FTCDNL1: variants seen among roughly 807,000 people sequenced by gnomAD.
FTCDNL1 encodes the protein formiminotransferase cyclodeaminase N-terminal like.
Under a neutral mutation model 5.9 loss-of-function variants are expected in FTCDNL1, and 11 were observed. The observed-to-expected ratio is 1.87, with a 90% CI of 1.18 to 3.10. FTCDNL1 has a LOEUF of 3.10. FTCDNL1 is among the 30% of genes most tolerant of loss of function. FTCDNL1 has a pLI of 0.00. For synonymous variants in FTCDNL1, 58 were observed against 24.8 expected, an observed-to-expected ratio of 2.34 and a Z score of -3.99; for missense variants, 115 against 65.5, an observed-to-expected ratio of 1.76 and a Z score of -2.61.
At chr2:199,722,983 G>T in the FTCDNL1 span, among the ~76,000 whole-genome samples, 1 of 151,812 alleles carries the variant, frequency 6.6e-6, no homozygotes, top group Non-Finnish European at 1.5e-5. Flanking sequence ...GTTCTGGGGT[G>T]CATGTGCAGA....
At chr2:199,772,524 A>G (rs574098514) in intron 3 of FTCDNL1, among the ~76,000 whole-genome samples, 1 of 152,266 alleles carries the variant, frequency 6.6e-6, no homozygotes, top group South Asian at 2.1e-4. Flanking sequence ...CTCTATATCT[A>G]CACAGGAGCC....
At chr2:199,746,779 C>T in the FTCDNL1 span, among the ~76,000 whole-genome samples, 1 of 151,462 alleles carries the variant, frequency 6.6e-6, no homozygotes, top group African/African-American at 2.4e-5. Context: ...GTGTCCTTTA[C>T]ATTTATTTTT....
chr2:199,775,738 G>C (rs1204949303), intron 3 of FTCDNL1, among the ~76,000 whole-genome samples: 2 of 152,140 alleles, frequency 1.3e-5, no homozygotes, highest in Non-Finnish European at 2.9e-5. Flanking sequence ...AAAAAAGAAA[G>C]AGAAAGCCAA....
At chr2:199,829,495 G>A (rs1172534649) in intron 3 of FTCDNL1, among the ~76,000 whole-genome samples, 1 of 152,100 alleles carries the variant, frequency 6.6e-6, no homozygotes. Flanking sequence ...TCAGTGCAAT[G>A]AGAAGTTTAG....
At chr2:199,751,113 A>G in the FTCDNL1 span, among the ~76,000 whole-genome samples, 1 of 152,186 alleles carries the variant, frequency 6.6e-6, no homozygotes, top group Non-Finnish European at 1.5e-5. Flanking sequence ...AAGTGGACGT[A>G]ACACTTAACC....
chr2:199,718,968 T>A, the FTCDNL1 span, among the ~76,000 whole-genome samples: 1 of 152,126 alleles, frequency 6.6e-6, no homozygotes, highest in Non-Finnish European at 1.5e-5. Context: ...GATGCATAGT[T>A]TGCAAATTTT....
the FTCDNL1 span, among the ~76,000 whole-genome samples, chr2:199,746,875 T>A: frequency 1.3e-5 from 2 of 152,142 alleles, no homozygotes; most frequent in South Asian, 2.1e-4. Context: ...CAAACGATGA[T>A]CCTTCTTAAC....
rs56091291 is a variant in FTCDNL1 at position 199,776,916 on chromosome 2, GTA to G, written c.212-16083_212-16082del. 7.7e-5 allele frequency among the ~76,000 whole-genome samples: 11 copies of G among 143,538 alleles called. No homozygotes were observed. The South Asian group carries it at 8.8e-4, about 11-fold the overall frequency. The allele number at this position is 143,538 out of a possible 152,430, so 94.2% of individuals were successfully genotyped here. A position where few individuals can be genotyped will look rare whatever the true frequency, so the allele number is the denominator to read the frequency against. On this transcript the variant is annotated intron_variant, in intron 3 of 3. Coordinates refer to the FTCDNL1 transcript ENST00000416668. ...ATATACATGTGTAATATATGTGTAT[GTA>G]TATATATATACACACACACACACAC...
At position 199,810,013 on chromosome 2, in the gene FTCDNL1, T is replaced by C. The variant is rs1267719321; in HGVS notation, c.*2692A>G. On this transcript the variant is annotated 3_prime_UTR_variant, in exon 5 of 5. Coordinates refer to ENST00000420128, the MANE Select transcript of FTCDNL1 (RefSeq NM_001363886.2). ...TATTTAGGCTATAATCAGGTAACTT[T>C]ATCTACTCTAAACTATCCGAAGGAT... Among the ~76,000 whole-genome samples, 1 of 152,186 alleles carries C rather than the reference T, an allele frequency of 6.6e-6. No individual in the cohort carries two copies. The highest frequency in any genetic ancestry group is 1.5e-5 in the Non-Finnish European group (1 of 68,028).
chr2:199,716,988 G>A, the FTCDNL1 span, among the ~76,000 whole-genome samples: 19 of 152,174 alleles, frequency 1.2e-4, 1 homozygote, highest in South Asian at 4.2e-4. Flanking sequence ...TTCGTTTCTC[G>A]GAGTGTTAGG....
At chr2:199,712,961 T>G in the FTCDNL1 span, among the ~76,000 whole-genome samples, 1 of 152,234 alleles carries the variant, frequency 6.6e-6, no homozygotes, top group Non-Finnish European at 1.5e-5. Context: ...GGGTTAGGAC[T>G]TCAAAGTATC....
At chr2:199,690,408 G>A in the FTCDNL1 span, among the ~76,000 whole-genome samples, 3 of 152,158 alleles carry the variant, frequency 2.0e-5, no homozygotes, top group Admixed American at 6.5e-5. Flanking sequence ...GCCTAGGCCC[G>A]TTCCATTCAC....
chr2:199,697,976 G>A, the FTCDNL1 span, among the ~76,000 whole-genome samples: 1 of 152,096 alleles, frequency 6.6e-6, no homozygotes, highest in South Asian at 2.1e-4. Flanking sequence ...GAAAGCAGGG[G>A]TTGCTATTCT....
the FTCDNL1 span, among the ~76,000 whole-genome samples, chr2:199,702,892 C>T: frequency 3.3e-5 from 5 of 151,970 alleles, no homozygotes; most frequent in African/African-American, 1.2e-4. Flanking sequence ...GATGGAACGA[C>T]CCTGAGGTGA....
chr2:199,831,834 A>G (rs1340431204), intron 3 of FTCDNL1, among the ~76,000 whole-genome samples: 1 of 152,146 alleles, frequency 6.6e-6, no homozygotes, highest in Non-Finnish European at 1.5e-5. Context: ...GGTTGTGAGG[A>G]TTCTTTGTTC....
the FTCDNL1 span, among the ~76,000 whole-genome samples, chr2:199,734,186 C>T: frequency 1.3e-5 from 2 of 152,150 alleles, no homozygotes; most frequent in Non-Finnish European, 2.9e-5. Flanking sequence ...GTCTGGAAAG[C>T]AGAATTTCTG....
At chr2:199,839,843 A>G (rs952313979) in intron 3 of FTCDNL1, among the ~76,000 whole-genome samples, 1 of 152,198 alleles carries the variant, frequency 6.6e-6, no homozygotes, top group Non-Finnish European at 1.5e-5. Flanking sequence ...CTAACAATTC[A>G]GTGTGAAGGT....
chr2:199,715,554 C>T, the FTCDNL1 span, among the ~76,000 whole-genome samples: 4 of 152,188 alleles, frequency 2.6e-5, no homozygotes, highest in South Asian at 8.3e-4. Context: ...AACTGTAAGT[C>T]CATCAAACTT....
At chr2:199,673,021 A>C in the FTCDNL1 span, among the ~76,000 whole-genome samples, 1 of 152,092 alleles carries the variant, frequency 6.6e-6, no homozygotes, top group Non-Finnish European at 1.5e-5. Context: ...CGTGAGTGTC[A>C]ACTGCAAATG....
Sources: allele counts gnomAD v4.1 joint callset (sites outside exome capture counted in the v4.1 genomes callset), GRCh38; gene constraint gnomAD v4.1.1; transcripts MANE v1.5; gene names NCBI Gene and HGNC (gene_info 2026-07-23, HGNC 2026-07-21).